Variants in CPLANE1 observed in about 807,000 individuals in gnomAD.
CPLANE1 encodes ciliogenesis and planar polarity effector 1.
In CPLANE1, 263 loss-of-function variants were observed where a neutral mutation model predicts 362.5. The observed-to-expected ratio is 0.73, with a 90% CI of 0.66 to 0.80. CPLANE1 has a LOEUF of 0.80. CPLANE1 is among the 30% of genes least tolerant of loss of function. CPLANE1 has a pLI of 0.00. For synonymous variants in CPLANE1, 1,212 were observed against 1,302.6 expected, an observed-to-expected ratio of 0.93 and a Z score of 1.50; for missense variants, 3,461 against 3,793.4, an observed-to-expected ratio of 0.91 and a Z score of 2.30.
At chr5:37,146,898 A>G (rs1311355571) in intron 43 of CPLANE1, among the ~76,000 whole-genome samples, 1 of 152,202 alleles carries the variant, frequency 6.6e-6, no homozygotes, top group Non-Finnish European at 1.5e-5. Context: ...AAAATTGACT[A>G]TAAGTCAAAA....
At chr5:37,230,288 TC>T (rs1211001595) in intron 9 of CPLANE1, among the ~76,000 whole-genome samples, 1 of 150,344 alleles carries the variant, frequency 6.7e-6, no homozygotes, top group Non-Finnish European at 1.5e-5. Context: ...GGTATGTGAA[TC>T]TTGATCTGAC....
chr5:37,141,502 T>C, intron 44 of CPLANE1: 1 of 984,032 alleles, frequency 1.0e-6, no homozygotes, highest in African/African-American at 1.7e-5. Context: ...TAGAAAGAAC[T>C]GAGAAAATAA....
At position 37,158,292 on chromosome 5, in the gene CPLANE1, G is replaced by A. The variant is rs1775772320; in HGVS notation, c.7744C>T (p.Leu2582=). The A allele has an allele frequency of 6.2e-7, 1 of 1,613,900 alleles. No individual in the cohort carries two copies. The highest frequency in any genetic ancestry group is 8.5e-7 in the Non-Finnish European group (1 of 1,179,896). Residue 2582 remains leucine (L), a synonymous_variant, in exon 39 of 53, where the codon CTG becomes TTG. Coordinates refer to ENST00000651892, the MANE Select transcript of CPLANE1 (RefSeq NM_001384732.1). The stretch of plus-strand genomic sequence containing the variant: ...TCTGACATTTCACTGGAAAGCTTCA[G>A]ATTTAGATAGACATCTGGGACCAAG... The part of the protein sequence containing the change: ...QLLVPDVYLN[L]KLSSEMSEKP...
chr5:37,185,284 T>C (rs1026289838), intron 24 of CPLANE1, among the ~76,000 whole-genome samples: 3 of 151,750 alleles, frequency 2.0e-5, no homozygotes, highest in African/African-American at 7.3e-5. Context: ...GAAGGTCCAT[T>C]AAAGAACACA....
chr5:37,152,284 C>T (rs981888020), intron 42 of CPLANE1, among the ~76,000 whole-genome samples: 4 of 152,076 alleles, frequency 2.6e-5, no homozygotes, highest in African/African-American at 9.7e-5. Context: ...GCAAGTGATC[C>T]TTCCACCTCA....
At chr5:37,213,393 T>C (rs1467315969) in intron 16 of CPLANE1, among the ~76,000 whole-genome samples, 166 bp downstream of exon 16, 3 of 152,240 alleles carry the variant, frequency 2.0e-5, no homozygotes, top group African/African-American at 7.2e-5. Context: ...ATCTAAGCCA[T>C]TACTTTTCTC....
chr5:37,172,272 T>C (rs1432016396), intron 32 of CPLANE1, among the ~76,000 whole-genome samples: 3 of 152,058 alleles, frequency 2.0e-5, no homozygotes, highest in Non-Finnish European at 2.9e-5. Flanking sequence ...TAGAAGACAA[T>C]GGAAGAACAA....
At position 37,226,712 on chromosome 5, in the gene CPLANE1, C is replaced by T. The variant is rs74975451; in HGVS notation, c.1883G>A (p.Arg628Lys). The change falls in exon 12 of 53, where the codon AGA becomes AAA. Residue 628 changes from arginine (R) to lysine (K), a missense_variant. Arg to Lys is a conservative substitution (Grantham distance 26, BLOSUM62 2). Coordinates refer to ENST00000651892, the MANE Select transcript of CPLANE1 (RefSeq NM_001384732.1). ...GATACAAAGTATCCATGCATTATGTCTTGAGCTTTTGCTTAAAACAAGATC... is the reference window on the plus strand; with the variant it reads ...GATACAAAGTATCCATGCATTATGTTTTGAGCTTTTGCTTAAAACAAGATC... ...KLDLVLSKSS[R>K]HNAWILCIFQ... 1.0e-3 allele frequency: 1,603 copies of T among 1,547,190 alleles called. 30 individuals are homozygous for T. In the East Asian group the frequency reaches 0.034, roughly 33 times the overall value.
In CPLANE1 at chr5:37,157,430, T is replaced by C. The variant is rs951458535; in HGVS notation, c.8012-10A>G. The stretch of plus-strand genomic sequence containing the variant: ...CAAGCTGGAGTTACTTCTGCAGGTT[T>C]AGAAAATAAATCCATAGAGGAATTG... On this transcript the variant is annotated splice_polypyrimidine_tract_variant and intron_variant, in intron 40 of 52. Coordinates refer to ENST00000651892, the MANE Select transcript of CPLANE1 (RefSeq NM_001384732.1). The C allele has an allele frequency of 1.2e-5, 18 of 1,494,514 alleles. No homozygotes were observed. The highest frequency in any genetic ancestry group is 1.4e-5 in the Non-Finnish European group (16 of 1,112,548). 92.6% of individuals were successfully genotyped at this position (1,494,514 alleles called of 1,614,324 possible). A position where few individuals can be genotyped will look rare whatever the true frequency, so the allele number is the denominator to read the frequency against.
At chr5:37,201,121 C>G (rs957138479) in intron 19 of CPLANE1, among the ~76,000 whole-genome samples, 1 of 152,070 alleles carries the variant, frequency 6.6e-6, no homozygotes, top group Non-Finnish European at 1.5e-5. Context: ...CTACACCCAG[C>G]CAAGTCTTTC....
intron 18 of CPLANE1, among the ~76,000 whole-genome samples, chr5:37,203,606 T>A (rs1028008867): frequency 9.9e-5 from 15 of 152,130 alleles, no homozygotes; most frequent in African/African-American, 3.4e-4. Context: ...CTTGACCTCC[T>A]AGGCTCAAGG....
intron 20 of CPLANE1, among the ~76,000 whole-genome samples, chr5:37,197,610 CT>C (rs1206575182): frequency 1.3e-5 from 2 of 152,092 alleles, no homozygotes; most frequent in Non-Finnish European, 2.9e-5. Context: ...TGCACAGAAC[CT>C]GTGGGATATT....
At chr5:37,092,757 A>G in the CPLANE1 span, among the ~76,000 whole-genome samples, 183 of 152,312 alleles carry the variant, frequency 1.2e-3, no homozygotes, top group African/African-American at 4.2e-3. Flanking sequence ...CCTGGCATGG[A>G]ACATATCATA....
intron 20 of CPLANE1, among the ~76,000 whole-genome samples, chr5:37,196,807 C>G (rs533231782): frequency 6.6e-6 from 1 of 152,182 alleles, no homozygotes; most frequent in East Asian, 1.9e-4. Context: ...CGCCTGTAGT[C>G]CCAGGTACTC....
chr5:37,239,490 A>G (rs1259096784), intron 7 of CPLANE1, among the ~76,000 whole-genome samples: 4 of 148,130 alleles, frequency 2.7e-5, no homozygotes, highest in African/African-American at 1.0e-4. Context: ...GGCTGAGGTG[A>G]GAGGATCACT....
chr5:37,141,562 A>C (rs1769720360), intron 44 of CPLANE1: 3 of 966,444 alleles, frequency 3.1e-6, no homozygotes, highest in Non-Finnish European at 3.7e-6. Context: ...TATTTAAGTA[A>C]CAGTAATGCC....
At chr5:37,199,338 TAC>T (rs1240202408) in intron 19 of CPLANE1, among the ~76,000 whole-genome samples, 4 of 152,164 alleles carry the variant, frequency 2.6e-5, no homozygotes, top group Non-Finnish European at 5.9e-5. Flanking sequence ...GGTGGGATGT[TAC>T]AGAGAGGTCC....
chr5:37,162,922 CA>C (rs1378676631), intron 37 of CPLANE1, among the ~76,000 whole-genome samples: 1 of 152,196 alleles, frequency 6.6e-6, no homozygotes, highest in African/African-American at 2.4e-5. Context: ...TCAACTGATC[CA>C]CCCGCCTCAG....
intron 14 of CPLANE1, among the ~76,000 whole-genome samples, chr5:37,223,107 C>T (rs190730829): frequency 4.6e-5 from 7 of 152,286 alleles, no homozygotes; most frequent in Non-Finnish European, 1.0e-4. Context: ...ATGATCCTAC[C>T]GCCAATATCA....
Sources: allele counts gnomAD v4.1 joint callset (sites outside exome capture counted in the v4.1 genomes callset), GRCh38; gene constraint gnomAD v4.1.1; transcripts MANE v1.5; gene names NCBI Gene and HGNC (gene_info 2026-07-23, HGNC 2026-07-21).